TAF1A: variants seen among roughly 807,000 people sequenced by gnomAD.
TAF1A encodes TATA box-binding protein-associated factor RNA polymerase I subunit A.
Under a neutral mutation model 61.6 loss-of-function variants are expected in TAF1A, and 42 were observed. The observed-to-expected ratio is 0.68, with a 90% CI of 0.53 to 0.88. The LOEUF (loss-of-function observed/expected upper bound fraction) is 0.88, where lower values mean the gene tolerates loss of function less well. Among genes scored for constraint, TAF1A ranks in the 40% least tolerant of loss-of-function variants. The pLI is 0.00. For missense variants in TAF1A, 424 were observed against 518.7 expected (o/e 0.82, Z 1.77); for synonymous variants, 179 against 177.7 (o/e 1.01, Z -0.06).
rs922319405 is a variant in TAF1A, at chr1:222,561,361, T to C, written c.1240+3A>G. ...CTAGATAAAACGAAAATAAAAACTG[T>C]ACCTTTTCCTAACAGTAAACCAGCC... On this transcript the variant is annotated splice_donor_region_variant and intron_variant, in intron 10 of 10. Coordinates refer to ENST00000352967, the MANE Select transcript of TAF1A (RefSeq NM_005681.4). 10 of 1,596,456 alleles carry C rather than the reference T, an allele frequency of 6.3e-6. No individual in the cohort carries two copies. The highest frequency in any genetic ancestry group is 8.5e-6 in the Non-Finnish European group (10 of 1,174,764).
downstream of TAF1A, among the ~76,000 whole-genome samples, chr1:222,554,459 T>G (rs552138457): frequency 8.5e-5 from 13 of 152,218 alleles, no homozygotes; most frequent in African/African-American, 3.1e-4. Context: ...ATATTATTTG[T>G]AGACCATCCA....
chr1:222,562,279 C>T (rs775730031), intron 9 of TAF1A, among the ~76,000 whole-genome samples: 9 of 152,166 alleles, frequency 5.9e-5, no homozygotes, highest in Non-Finnish European at 1.0e-4. Flanking sequence ...CTACAGTCTA[C>T]GTTGCACATT....
chr1:222,569,547 T>C lies in TAF1A; in HGVS notation c.857A>G (p.Gln286Arg). ...TATCAATTTTGATCTTGGTGCCTTC[T>C]GTCTCTTTAGAAAGTTGTATAAGTA... ...HIYLYNFLKR[Q>R]KAPRSKLISV... Residue 286 changes from glutamine (Q) to arginine (R), a missense_variant, in exon 7 of 11, where the codon CAG (glutamine) becomes CGG (arginine). By Grantham distance (43) the Gln-to-Arg change is conservative. Transcript: ENST00000352967. 6.2e-7 allele frequency: 1 copy of C among 1,614,096 alleles called. No individual in the cohort carries two copies. The highest frequency in any genetic ancestry group is 8.5e-7 in the Non-Finnish European group (1 of 1,179,970).
At chr1:222,586,708 T>C (rs151042910) in intron 2 of TAF1A, among the ~76,000 whole-genome samples, 2 of 152,212 alleles carry the variant, frequency 1.3e-5, no homozygotes, top group Non-Finnish European at 2.9e-5. Context: ...GTACTCATCA[T>C]ACAGCTTCAA....
At chr1:222,560,138 C>T (rs1659856470) in intron 10 of TAF1A, among the ~76,000 whole-genome samples, 1 of 152,074 alleles carries the variant, frequency 6.6e-6, no homozygotes, top group Non-Finnish European at 1.5e-5. Flanking sequence ...AGCCACCATA[C>T]CCCACTCAAA....
At chr1:222,587,054 AC>A (rs1261104991) in intron 2 of TAF1A, among the ~76,000 whole-genome samples, 1 of 152,200 alleles carries the variant, frequency 6.6e-6, no homozygotes, top group Non-Finnish European at 1.5e-5. Flanking sequence ...CCCAAGTATG[AC>A]TTAACTATAG....
chr1:222,581,233 A>G (rs1030377376), intron 3 of TAF1A, among the ~76,000 whole-genome samples: 1 of 152,252 alleles, frequency 6.6e-6, no homozygotes, highest in East Asian at 1.9e-4. Flanking sequence ...CACTGATCCA[A>G]TTCCTTCATT....
chr1:222,580,882 G>A (rs1660762045), intron 3 of TAF1A, among the ~76,000 whole-genome samples: 1 of 152,192 alleles, frequency 6.6e-6, no homozygotes, highest in African/African-American at 2.4e-5. Context: ...GCCAGGCGCG[G>A]TGGCTCACAC....
chr1:222,583,159 T>C (rs1248458522), intron 3 of TAF1A, among the ~76,000 whole-genome samples: 1 of 152,136 alleles, frequency 6.6e-6, no homozygotes, highest in African/African-American at 2.4e-5. Context: ...CACTCCAGCC[T>C]GGGCAACAGA....
At chr1:222,585,013 T>C (rs1442010767) in intron 2 of TAF1A, among the ~76,000 whole-genome samples, 1 of 152,232 alleles carries the variant, frequency 6.6e-6, no homozygotes, top group Non-Finnish European at 1.5e-5. Flanking sequence ...AGATATTTGA[T>C]TTCCTTACAT....
intron 8 of TAF1A, 31 bp downstream of exon 8, chr1:222,564,028 C>T: frequency 7.3e-7 from 1 of 1,364,878 alleles, no homozygotes; most frequent in Non-Finnish European, 1.0e-6. Context: ...AGCTTGTCTA[C>T]ACAAGGTATA....
chr1:222,577,412 A>C lies in TAF1A; in HGVS notation c.604+33T>G, dbSNP rs771886768. ...TAAGATCCCTCTGCCCCTCAGTCTC[A>C]TCATAAGAAAAAGTTTACCTGTATT... On this transcript the variant is annotated intron_variant, in intron 5 of 10. Coordinates refer to ENST00000352967, the MANE Select transcript of TAF1A (RefSeq NM_005681.4). 3.2e-6 allele frequency: 5 copies of C among 1,583,192 alleles called. No homozygotes were observed. The South Asian group carries it at 3.3e-5, about 11-fold the overall frequency.
chr1:222,559,198 T>C (rs1348542333), intron 10 of TAF1A, among the ~76,000 whole-genome samples: 1 of 152,232 alleles, frequency 6.6e-6, no homozygotes, highest in Non-Finnish European at 1.5e-5. Context: ...AATGTTAGCT[T>C]GTAAATCAGC....
intron 4 of TAF1A, among the ~76,000 whole-genome samples, chr1:222,578,811 C>T (rs1178210377): frequency 1.3e-5 from 2 of 152,098 alleles, no homozygotes; most frequent in African/African-American, 4.8e-5. Context: ...TAGCATATTG[C>T]CTGGTAAGCG....
intron 10 of TAF1A, among the ~76,000 whole-genome samples, chr1:222,559,638 A>C (rs911968923): frequency 6.6e-6 from 1 of 152,136 alleles, no homozygotes; most frequent in Non-Finnish European, 1.5e-5. Flanking sequence ...AACCATTTTT[A>C]TTATTCCTGA....
At chr1:222,554,293 A>T (rs2102629399), downstream of TAF1A, among the ~76,000 whole-genome samples, 1 of 152,340 alleles carries the variant, frequency 6.6e-6, no homozygotes. Flanking sequence ...GGAAACAAAG[A>T]GCCGCCTCTA....
intron 5 of TAF1A, among the ~76,000 whole-genome samples, chr1:222,576,074 A>C (rs960543415): frequency 2.0e-4 from 31 of 152,244 alleles, no homozygotes; most frequent in African/African-American, 6.3e-4. Context: ...TATCTGGACT[A>C]ATAAAATACA....
rs1481796772 is a variant in TAF1A at position 222,558,471 on chromosome 1, A to C, written c.*189T>G. 2 of 267,214 alleles carry C rather than the reference A, an allele frequency of 7.5e-6. No homozygotes were observed. The highest frequency in any genetic ancestry group is 6.9e-6 in the Non-Finnish European group (1 of 145,306). 16.6% of individuals were successfully genotyped at this position (267,214 alleles called of 1,614,324 possible). A position where few individuals can be genotyped will look rare whatever the true frequency, so the allele number is the denominator to read the frequency against. On this transcript the variant is annotated 3_prime_UTR_variant, in exon 11 of 11. Coordinates refer to ENST00000352967, the MANE Select transcript of TAF1A (RefSeq NM_005681.4). ...TAACATTACAAAAAAGAAAACAGAC[A>C]TAGTTACAAAGAGCAAAGGCAGTAA...
chr1:222,563,170 T>G lies in TAF1A; in HGVS notation c.1085+3A>C. 1 of 1,604,634 alleles carries G rather than the reference T, an allele frequency of 6.2e-7. No homozygotes were observed. Among genetic ancestry groups the G allele is most frequent in the Non-Finnish European group, 8.5e-7 (1 of 1,172,880 alleles). On this transcript the variant is annotated splice_donor_region_variant and intron_variant, in intron 9 of 10. Coordinates refer to ENST00000352967, the MANE Select transcript of TAF1A (RefSeq NM_005681.4). ...CTAGTAATAAACACTGTATGTTTCT[T>G]ACCCCATTAAGATATTTTTCAGATA... is the stretch of plus-strand genomic sequence containing the variant.
Sources: gnomAD v4.1 joint callset for allele counts (sites outside exome capture counted in the v4.1 genomes callset) on GRCh38, gnomAD v4.1.1 for gene constraint, MANE v1.5 for transcripts, NCBI Gene and HGNC (gene_info 2026-07-23, HGNC 2026-07-21) for gene names.